Variants in ERICH1 observed in about 807,000 individuals in gnomAD.
ERICH1 encodes glutamate-rich protein 1.
A neutral mutation model predicts 39.6 loss-of-function variants in ERICH1; 56 were observed. The ratio of observed to expected loss-of-function variants is 1.41; its 90% CI spans 1.14 to 1.77. The LOEUF (loss-of-function observed/expected upper bound fraction) is 1.77. Among genes scored for constraint, ERICH1 ranks in the 40% most tolerant of loss-of-function variants. The pLI is 0.00. For missense variants in ERICH1, 826 were observed against 575.4 expected, an observed-to-expected ratio of 1.44 and a Z score of -4.45; for synonymous variants, 313 against 223.6, an observed-to-expected ratio of 1.40 and a Z score of -3.57.
intron 3 of ERICH1, among the ~76,000 whole-genome samples, chr8:656,296 A>G (rs1257491681): frequency 1.3e-5 from 2 of 152,042 alleles, no homozygotes; most frequent in African/African-American, 4.8e-5. Context: ...CCCCTTCGAA[A>G]TCTGCAAGTC....
At chr8:696,589 T>C (rs111162121) in intron 2 of ERICH1, among the ~76,000 whole-genome samples, 12 of 51,136 alleles carry the variant, frequency 2.3e-4, no homozygotes, top group Admixed American at 8.3e-4. Context: ...TCGCTCCTCT[T>C]ACCCTCCACT....
chr8:702,718 G>A (rs879498143), intron 2 of ERICH1, among the ~76,000 whole-genome samples: 19 of 152,236 alleles, frequency 1.2e-4, no homozygotes, highest in Non-Finnish European at 2.1e-4. Flanking sequence ...ATGTTGTGTG[G>A]GAGCGACACT....
intron 2 of ERICH1, 106 bp from the exon 3 acceptor site, chr8:692,718 T>G (rs1809201465): frequency 7.7e-7 from 1 of 1,304,430 alleles, no homozygotes; most frequent in Non-Finnish European, 1.0e-6. Flanking sequence ...ATTCAAGACA[T>G]GAAATCAAAG....
At chr8:690,021 G>T (rs1231720969) in intron 3 of ERICH1, among the ~76,000 whole-genome samples, 6 of 152,188 alleles carry the variant, frequency 3.9e-5, no homozygotes, top group Admixed American at 3.3e-4. Context: ...AATCTATAGT[G>T]GGTTGTTCTG....
intron 3 of ERICH1, among the ~76,000 whole-genome samples, chr8:681,536 C>CAA (rs1806114404): frequency 6.6e-6 from 1 of 152,184 alleles, no homozygotes; most frequent in African/African-American, 2.4e-5. Context: ...CTTGAAGGAA[C>CAA]AAAACGCAAG....
chr8:701,610 A>G (rs10105489), intron 2 of ERICH1, among the ~76,000 whole-genome samples: 27,725 of 152,326 alleles, frequency 0.18, 3,176 homozygotes, highest in Middle Eastern at 0.33. Flanking sequence ...ACCTCACACC[A>G]GACAACAACT....
chr8:711,031 T>C (rs1013835286), intron 2 of ERICH1, among the ~76,000 whole-genome samples: 1 of 152,232 alleles, frequency 6.6e-6, no homozygotes, highest in African/African-American at 2.4e-5. Flanking sequence ...GTGTTGTTAG[T>C]GTTCTGGATT....
Position 731,203 on chromosome 8 carries a change from T to C in ERICH1, c.-42A>G, listed in dbSNP as rs1480432321. On this transcript the variant is annotated 5_prime_UTR_variant, in exon 1 of 6. Transcript: ENST00000262109. Reference sequence around the variant, plus strand: ...GACCTCAGACCACGGCGCGCGGTCCTGAGCTGAGCGCCGTGCCTTCCGGGT... The same window carrying C: ...GACCTCAGACCACGGCGCGCGGTCCCGAGCTGAGCGCCGTGCCTTCCGGGT... 2 of 1,460,364 alleles carry C rather than the reference T, an allele frequency of 1.4e-6. No individual in the cohort carries two copies. Among genetic ancestry groups the C allele is most frequent in the African/African-American group, 1.5e-5 (1 of 68,514 alleles). The allele number at this position is 1,460,364 out of a possible 1,614,324, so 90.5% of individuals were successfully genotyped here.
intron 3 of ERICH1, among the ~76,000 whole-genome samples, chr8:621,353 A>G (rs1008120961): frequency 6.6e-6 from 1 of 152,168 alleles, no homozygotes; most frequent in African/African-American, 2.4e-5. Context: ...ACCTTAAGAC[A>G]CTAGAAAAAT....
In ERICH1 at chr8:668,584, C is replaced by T. The variant is rs375281433; in HGVS notation, c.1258+14G>A. ...ATCTTAAGCAGGACCTTGAATAAAT[C>T]GTACGGTACTTACCAGGAGGCATCG... On this transcript the variant is annotated intron_variant, in intron 5 of 5. Transcript: ENST00000262109. The T allele has an allele frequency of 1.8e-5, 29 of 1,614,052 alleles. No individual in the cohort carries two copies. In the Admixed American group the frequency reaches 2.3e-4, roughly 13 times the overall value.
At chr8:661,479 C>T (rs186266222), downstream of ERICH1, among the ~76,000 whole-genome samples, 1 of 152,192 alleles carries the variant, frequency 6.6e-6, no homozygotes, top group East Asian at 1.9e-4. Context: ...GCACAACTGT[C>T]TTAATATTGG....
chr8:655,397 AG>A (rs2131701751), intron 3 of ERICH1, among the ~76,000 whole-genome samples: 2 of 152,338 alleles, frequency 1.3e-5, no homozygotes, highest in South Asian at 4.1e-4. Context: ...CGTATGTAAT[AG>A]GAGTCTCACT....
intron 3 of ERICH1, among the ~76,000 whole-genome samples, chr8:658,704 A>C (rs1800994259): frequency 1.3e-5 from 2 of 152,152 alleles, no homozygotes; most frequent in African/African-American, 4.8e-5. Context: ...GACCCTAGAG[A>C]TGCCCCTGGT....
chr8:618,513 G>C (rs906416629), intron 3 of ERICH1, among the ~76,000 whole-genome samples: 1 of 152,232 alleles, frequency 6.6e-6, no homozygotes, highest in Admixed American at 6.5e-5. Flanking sequence ...CATGGCATAA[G>C]CTCAGTGGGT....
intron 5 of ERICH1, chr8:668,320 C>G: frequency 2.1e-6 from 1 of 485,458 alleles, no homozygotes. Context: ...GAATTCATTT[C>G]TATTTAAACT....
intron 3 of ERICH1, among the ~76,000 whole-genome samples, chr8:651,666 G>C (rs1183904440): frequency 6.6e-6 from 1 of 151,260 alleles, no homozygotes; most frequent in Non-Finnish European, 1.5e-5. Flanking sequence ...GAGCGAGGGA[G>C]ACGGGCAGGG....
chr8:678,881 G>A (rs1285805102), intron 3 of ERICH1, among the ~76,000 whole-genome samples: 4 of 152,086 alleles, frequency 2.6e-5, no homozygotes, highest in African/African-American at 4.8e-5. Flanking sequence ...GACCCCTGAC[G>A]ACTCCAACGT....
intron 2 of ERICH1, among the ~76,000 whole-genome samples, chr8:697,697 C>T (rs905297561): frequency 6.6e-6 from 1 of 152,182 alleles, no homozygotes; most frequent in Non-Finnish European, 1.5e-5. Context: ...GCCCCCGCCC[C>T]CGCCCCCTCA....
chr8:710,892 T>G (rs1814583609), intron 2 of ERICH1, among the ~76,000 whole-genome samples: 1 of 152,226 alleles, frequency 6.6e-6, no homozygotes, highest in African/African-American at 2.4e-5. Flanking sequence ...TCAAGGGGCA[T>G]AACTGCTGGA....
Sources: gnomAD v4.1 joint callset for allele counts (sites outside exome capture counted in the v4.1 genomes callset) on GRCh38, gnomAD v4.1.1 for gene constraint, MANE v1.5 for transcripts, NCBI Gene and HGNC (gene_info 2026-07-23, HGNC 2026-07-21) for gene names.